EVC: variants seen among roughly 807,000 people sequenced by gnomAD.
EVC encodes the protein EvC ciliary complex subunit 1, also known as evC complex member EVC.
A neutral mutation model predicts 118.9 loss-of-function variants in EVC; 116 were observed. The observed-to-expected ratio is 0.98, with a 90% CI of 0.84 to 1.14. The LOEUF (loss-of-function observed/expected upper bound fraction) is 1.14, where lower values mean the gene tolerates loss of function less well. Among genes scored for constraint, EVC ranks in the 50% most tolerant of loss-of-function variants. The pLI is 0.00. For synonymous variants in EVC, 619 were observed against 534.7 expected (o/e 1.16, Z -2.18); for missense variants, 1,401 against 1,246.4 (o/e 1.12, Z -1.87).
chr4:5,824,326 T>C, the EVC span: 1 of 985,346 alleles, frequency 1.0e-6, no homozygotes, highest in Non-Finnish European at 1.2e-6. Context: ...TGTGCAAAAA[T>C]ATGAAACACT....
In EVC at chr4:5,737,061, C is replaced by G. The variant is rs1317056692; in HGVS notation, c.702+3626C>G. 6.6e-6 allele frequency among the ~76,000 whole-genome samples: 1 copy of G among 152,182 alleles called. No individual in the cohort carries two copies. Among genetic ancestry groups the G allele is most frequent in the Non-Finnish European group, 1.5e-5 (1 of 68,028 alleles). ...TTCTTGAAGGAAATTAAAAGTGCTACGCCAGTGAACACACGAATGATCAGA... is the reference window on the plus strand; with the variant it reads ...TTCTTGAAGGAAATTAAAAGTGCTAGGCCAGTGAACACACGAATGATCAGA... On this transcript the variant is annotated intron_variant, in intron 5 of 20. Transcript: ENST00000264956. The surrounding 1 kb of genome is among the most constrained non-coding windows in gnomAD (Gnocchi z 5.0).
At position 5,809,630 on chromosome 4, in the gene EVC, A is replaced by T. The variant is rs1716565508; in HGVS notation, c.2782+19A>T. The T allele has an allele frequency of 6.2e-7, 1 of 1,610,310 alleles. No individual in the cohort carries two copies. On this transcript the variant is annotated intron_variant, in intron 19 of 20. Transcript: ENST00000264956. The stretch of plus-strand genomic sequence containing the variant: ...CTGCTAGGTGAGTCACAGATGCTTG[A>T]GTTGCAGCGGGAAGCACTCTGGGCT...
At chr4:5,822,088 G>T in the EVC span, among the ~76,000 whole-genome samples, 2 of 152,208 alleles carry the variant, frequency 1.3e-5, no homozygotes, top group Non-Finnish European at 2.9e-5. Context: ...TGGTGTTCTT[G>T]TCAAAATCCC....
chr4:5,788,489 G>A (rs972373604), intron 12 of EVC, among the ~76,000 whole-genome samples: 1 of 152,206 alleles, frequency 6.6e-6, no homozygotes, highest in Non-Finnish European at 1.5e-5. Flanking sequence ...CCATTTAGAT[G>A]ATTGATAGAC....
rs140631796 is a variant in EVC, at chr4:5,773,725, G to A, written c.1564-9827G>A. 7.4e-4 allele frequency among the ~76,000 whole-genome samples: 112 copies of A among 152,166 alleles called. 1 individual carries two copies. The highest frequency in any genetic ancestry group is 2.6e-3 in the African/African-American group (109 of 41,484). Reference sequence around the variant, plus strand: ...GTTGGCCCATGGTCATGCTTCTGGTGGATGGCCCAGTACTGCAGGTGCCAG... The same window carrying A: ...GTTGGCCCATGGTCATGCTTCTGGTAGATGGCCCAGTACTGCAGGTGCCAG... On this transcript the variant is annotated intron_variant, in intron 11 of 20. Transcript: ENST00000264956.
chr4:5,745,327 C>A lies in EVC; in HGVS notation c.925C>A (p.Gln309Lys). The change falls in exon 7 of 21, where the codon CAG becomes AAG. Residue 309 changes from glutamine to lysine, a missense_variant. By Grantham distance (53) the Gln-to-Lys change is moderately conservative. Transcript: ENST00000264956. ...AAAGAAGGAGAGAGAATACTCTGAACAGCTAATCGATAATGTGCGTGCCAG... is the reference window on the plus strand; with the variant it reads ...AAAGAAGGAGAGAGAATACTCTGAAAAGCTAATCGATAATGTGCGTGCCAG... ...VEKKEREYSEQLIDNMEAFWK... is the reference protein window; with the variant it reads ...VEKKEREYSEKLIDNMEAFWK... 1 of 1,614,022 alleles carries A rather than the reference C, an allele frequency of 6.2e-7. No homozygotes were observed. The highest frequency in any genetic ancestry group is 8.5e-7 in the Non-Finnish European group (1 of 1,179,966).
intron 11 of EVC, among the ~76,000 whole-genome samples, chr4:5,768,378 A>G (rs376453750): frequency 6.6e-6 from 1 of 152,116 alleles, no homozygotes; most frequent in African/African-American, 2.4e-5. Context: ...TGGCCCGTGT[A>G]AGAGATGGTG....
chr4:5,808,464 C>A, intron 18 of EVC, 137 bp downstream of exon 18: 2 of 1,396,722 alleles, frequency 1.4e-6, no homozygotes, highest in Non-Finnish European at 9.9e-7. Flanking sequence ...CGCTGAGTCT[C>A]ACCTGCTGAG....
chr4:5,760,201 A>G (rs549264215), intron 11 of EVC, among the ~76,000 whole-genome samples: 1 of 152,142 alleles, frequency 6.6e-6, no homozygotes, highest in East Asian at 1.9e-4. Flanking sequence ...GGGGCCCAAT[A>G]TATTTTCCTT....
intron 12 of EVC, among the ~76,000 whole-genome samples, chr4:5,788,369 C>T (rs1353996663): frequency 6.6e-6 from 1 of 152,160 alleles, no homozygotes; most frequent in African/African-American, 2.4e-5. Context: ...TCACATGGCT[C>T]CCCCTCTCAG....
At chr4:5,828,310 T>C in the EVC span, 6 of 984,570 alleles carry the variant, frequency 6.1e-6, no homozygotes, top group Non-Finnish European at 7.2e-6. Context: ...CATTTGATGC[T>C]CACTCCTGTC....
intron 8 of EVC, among the ~76,000 whole-genome samples, chr4:5,752,508 G>A (rs1375909439): frequency 6.6e-6 from 1 of 152,124 alleles, no homozygotes; most frequent in Non-Finnish European, 1.5e-5. Flanking sequence ...ATGACTATAA[G>A]CCAGGTGGCT....
At chr4:5,780,739 TG>T (rs1313993744) in intron 11 of EVC, among the ~76,000 whole-genome samples, 2 of 152,198 alleles carry the variant, frequency 1.3e-5, no homozygotes, top group Non-Finnish European at 2.9e-5. Context: ...GCACCTCTTC[TG>T]GGGTCCGTAA....
chr4:5,738,422 G>T lies in EVC; in HGVS notation c.703-3294G>T, dbSNP rs549964054. ...GTTCTACTGTGGGCAAATTGCTATC[G>T]AATAGCATGGCACGCTGCAGAGAAA... is the stretch of plus-strand genomic sequence containing the variant. On this transcript the variant is annotated intron_variant, in intron 5 of 20. Transcript: ENST00000264956. This position sits in a 1 kb window ranked among gnomAD's most constrained non-coding sequence, Gnocchi z 6.5. Among the ~76,000 whole-genome samples, 7 of 152,198 alleles carry T rather than the reference G, an allele frequency of 4.6e-5. No individual in the cohort carries two copies. The South Asian group carries it at 1.2e-3, about 27-fold the overall frequency.
intron 8 of EVC, 75 bp from the exon 9 acceptor site, chr4:5,752,761 T>C (rs1372399441): frequency 1.1e-5 from 16 of 1,493,250 alleles, no homozygotes; most frequent in Admixed American, 1.7e-5. Context: ...GGTGGCTTCT[T>C]CTCAGCTGTT....
chr4:5,764,918 T>G (rs1732639711), intron 11 of EVC, among the ~76,000 whole-genome samples: 1 of 139,146 alleles, frequency 7.2e-6, no homozygotes. Flanking sequence ...TCTGCTCTGA[T>G]TTTAGTTATT....
intron 11 of EVC, among the ~76,000 whole-genome samples, chr4:5,782,114 G>C (rs1363023970): frequency 1.3e-5 from 2 of 152,036 alleles, no homozygotes; most frequent in Non-Finnish European, 2.9e-5. Context: ...GTCTCTCTCT[G>C]TCACCCAAGT....
intron 11 of EVC, among the ~76,000 whole-genome samples, chr4:5,772,303 G>C (rs1734110153): frequency 6.6e-6 from 1 of 151,976 alleles, no homozygotes; most frequent in South Asian, 2.1e-4. Context: ...TTTCCTTTTG[G>C]TAATTTTCAC....
chr4:5,733,908 C>T (rs991105300), intron 5 of EVC, among the ~76,000 whole-genome samples: 1 of 152,126 alleles, frequency 6.6e-6, no homozygotes, highest in African/African-American at 2.4e-5. Context: ...AACTGAGGCA[C>T]AGGGCAGAGG....
Sources: gnomAD v4.1 joint callset for allele counts (sites outside exome capture counted in the v4.1 genomes callset) on GRCh38, gnomAD v4.1.1 for gene constraint, Gnocchi (gnomAD v3.1) non-coding constraint, MANE v1.5 for transcripts, NCBI Gene and HGNC (gene_info 2026-07-23, HGNC 2026-07-21) for gene names.